Variants in GALNT13 observed in about 807,000 individuals in gnomAD.
The protein encoded by GALNT13 is polypeptide N-acetylgalactosaminyltransferase 13, also known as UDP-GalNAc:polypeptide N-acetylgalactosaminyltransferase 13.
GALNT13 carries 28 observed loss-of-function variants against 64.2 expected under a neutral mutation model. The observed-to-expected ratio is 0.44, with a 90% CI of 0.32 to 0.60. GALNT13 has a LOEUF of 0.60. Ranked by LOEUF, GALNT13 falls within the 20% of genes least tolerant of loss-of-function variation. GALNT13 has a pLI of 0.05. For missense variants in GALNT13, 577 were observed against 669.8 expected, an observed-to-expected ratio of 0.86 and a Z score of 1.53; for synonymous variants, 214 against 224.6, an observed-to-expected ratio of 0.95 and a Z score of 0.42.
At chr2:153,926,951 A>T (rs372346272) in intron 2 of GALNT13, among the ~76,000 whole-genome samples, 1 of 152,146 alleles carries the variant, frequency 6.6e-6, no homozygotes, top group African/African-American at 2.4e-5. Context: ...CGTTTTTCCA[A>T]TGCTTGTATA....
chr2:153,462,438 T>C, the GALNT13 span, among the ~76,000 whole-genome samples: 1 of 152,140 alleles, frequency 6.6e-6, no homozygotes, highest in Non-Finnish European at 1.5e-5. Flanking sequence ...GTAGCAACTA[T>C]TAGCTCTGCT....
chr2:153,556,865 A>T, the GALNT13 span, among the ~76,000 whole-genome samples: 3 of 152,200 alleles, frequency 2.0e-5, no homozygotes, highest in African/African-American at 7.2e-5. Context: ...GCCTTATATC[A>T]TCTGGCTAAG....
At chr2:153,201,822 A>T in the GALNT13 span, 1 of 152,136 alleles carries the variant, frequency 6.6e-6, no homozygotes, top group African/African-American at 2.4e-5. Flanking sequence ...CATTTACTGA[A>T]CAATGCTTCC....
At chr2:153,181,368 G>A in the GALNT13 span, among the ~76,000 whole-genome samples, 1 of 150,242 alleles carries the variant, frequency 6.7e-6, no homozygotes, top group East Asian at 1.9e-4. Flanking sequence ...AAAAAAAAAA[G>A]GTACTTGATA....
chr2:153,648,247 T>C, the GALNT13 span, among the ~76,000 whole-genome samples: 5 of 152,204 alleles, frequency 3.3e-5, no homozygotes, highest in Non-Finnish European at 7.3e-5. Flanking sequence ...GGGAATTCAC[T>C]TATGATTTGG....
At chr2:153,727,175 TAATC>T in the GALNT13 span, among the ~76,000 whole-genome samples, 1 of 152,164 alleles carries the variant, frequency 6.6e-6, no homozygotes, top group Non-Finnish European at 1.5e-5. Flanking sequence ...AAAAATAACA[TAATC>T]AAGGTGTTTC....
the GALNT13 span, among the ~76,000 whole-genome samples, chr2:153,609,577 C>T: frequency 2.6e-5 from 4 of 152,104 alleles, no homozygotes; most frequent in African/African-American, 9.7e-5. Context: ...CTTTTGTCCC[C>T]AAATCCTTTC....
chr2:154,407,431 A>G (rs1379637450), intron 10 of GALNT13, among the ~76,000 whole-genome samples: 1 of 152,104 alleles, frequency 6.6e-6, no homozygotes, highest in Admixed American at 6.6e-5. Context: ...ACTATGTGCA[A>G]CCTATACCAT....
the GALNT13 span, among the ~76,000 whole-genome samples, chr2:153,587,095 G>A: frequency 2.6e-5 from 4 of 151,926 alleles, no homozygotes; most frequent in Non-Finnish European, 5.9e-5. Flanking sequence ...TTAGCTAGGT[G>A]TAGTGGCACA....
the GALNT13 span, among the ~76,000 whole-genome samples, chr2:153,105,029 T>G: frequency 2.4e-5 from 2 of 83,548 alleles, no homozygotes; most frequent in African/African-American, 5.0e-5. Flanking sequence ...ATGCTATCCC[T>G]CCCCCCTCCC....
the GALNT13 span, among the ~76,000 whole-genome samples, chr2:153,324,653 C>A: frequency 4.6e-5 from 7 of 152,104 alleles, no homozygotes; most frequent in Non-Finnish European, 7.4e-5. Context: ...TGAGATATGT[C>A]CCATTAATAC....
At chr2:154,343,640 C>T (rs1287000500) in intron 9 of GALNT13, among the ~76,000 whole-genome samples, 1 of 151,958 alleles carries the variant, frequency 6.6e-6, no homozygotes, top group Admixed American at 6.6e-5. Context: ...TGACTTGAAA[C>T]TTACCTATGT....
the GALNT13 span, among the ~76,000 whole-genome samples, chr2:153,083,646 T>G: frequency 6.6e-6 from 1 of 152,242 alleles, no homozygotes; most frequent in Non-Finnish European, 1.5e-5. Context: ...TAGTCCTTTG[T>G]CAGATGTATG....
In GALNT13 at chr2:154,351,728, C is replaced by A. The variant is rs528925873; in HGVS notation, c.1157-44263C>A. ...AAAAAAAAAAAAAAAAAAGCCAGAG[C>A]TCTATTTTATGAGATCACTCTGTCA... On this transcript the variant is annotated intron_variant, in intron 9 of 12. Transcript: ENST00000392825. Among the ~76,000 whole-genome samples, 9 of 123,556 alleles carry A rather than the reference C, an allele frequency of 7.3e-5. No homozygotes were observed. The South Asian group carries it at 2.6e-3, about 36-fold the overall frequency. The allele number at this position is 123,556 out of a possible 152,430, so 81.1% of individuals were successfully genotyped here. A position where few individuals can be genotyped will look rare whatever the true frequency, so the allele number is the denominator to read the frequency against.
chr2:153,460,846 T>TAAA, the GALNT13 span, among the ~76,000 whole-genome samples: 1 of 152,154 alleles, frequency 6.6e-6, no homozygotes, highest in Non-Finnish European at 1.5e-5. Flanking sequence ...TACATCATTT[T>TAAA]AGGCAGCTGC....
At chr2:154,302,962 CAA>C (rs1282135021) in intron 9 of GALNT13, among the ~76,000 whole-genome samples, 3 of 152,078 alleles carry the variant, frequency 2.0e-5, no homozygotes, top group African/African-American at 7.2e-5. Flanking sequence ...TTTTCCCCTA[CAA>C]AAGATGTCTT....
chr2:154,185,539 T>A (rs906920614), intron 4 of GALNT13, among the ~76,000 whole-genome samples: 1 of 151,952 alleles, frequency 6.6e-6, no homozygotes, highest in Non-Finnish European at 1.5e-5. Context: ...TTCACTTTTT[T>A]ATTGTTTTTA....
At chr2:154,440,888 A>AT (rs952877571) in intron 12 of GALNT13, among the ~76,000 whole-genome samples, 3 of 152,062 alleles carry the variant, frequency 2.0e-5, no homozygotes, top group African/African-American at 4.8e-5. Context: ...GTTAAAAAGG[A>AT]TTTTTTTTAA....
At chr2:153,995,801 C>A (rs1474822877) in intron 3 of GALNT13, among the ~76,000 whole-genome samples, 1 of 152,030 alleles carries the variant, frequency 6.6e-6, no homozygotes, top group African/African-American at 2.4e-5. Context: ...TTTGATAAAC[C>A]AACCTCTACC....
Sources: allele counts gnomAD v4.1 joint callset (sites outside exome capture counted in the v4.1 genomes callset), GRCh38; gene constraint gnomAD v4.1.1; transcripts MANE v1.5; gene names NCBI Gene and HGNC (gene_info 2026-07-23, HGNC 2026-07-21).